Variants in GALNT10 observed in about 807,000 individuals in gnomAD.
GALNT10 encodes polypeptide N-acetylgalactosaminyltransferase 10, also known as GalNAc transferase 10.
GALNT10 carries 41 observed loss-of-function variants against 75.0 expected under a neutral mutation model. The ratio of observed to expected loss-of-function variants is 0.55; its 90% CI spans 0.43 to 0.71. GALNT10 has a LOEUF of 0.71. GALNT10 is among the 30% of genes least tolerant of loss of function. GALNT10 has a pLI of 0.00. For missense variants in GALNT10, 727 were observed against 818.5 expected, an observed-to-expected ratio of 0.89 and a Z score of 1.36; for synonymous variants, 302 against 313.0, an observed-to-expected ratio of 0.96 and a Z score of 0.37.
At chr5:154,222,511 A>G (rs1188639016) in intron 1 of GALNT10, among the ~76,000 whole-genome samples, 1 of 152,114 alleles carries the variant, frequency 6.6e-6, no homozygotes, top group Non-Finnish European at 1.5e-5. Context: ...ATTGTATGGT[A>G]TATATATATC....
intron 1 of GALNT10, among the ~76,000 whole-genome samples, chr5:154,238,288 T>A (rs1220510100): frequency 8.3e-6 from 1 of 119,842 alleles, no homozygotes; most frequent in Admixed American, 9.4e-5. Context: ...CCATAAAGTT[T>A]TAAATGTTAA....
At chr5:154,264,657 A>C (rs552360309) in intron 1 of GALNT10, among the ~76,000 whole-genome samples, 1 of 152,204 alleles carries the variant, frequency 6.6e-6, no homozygotes, top group Non-Finnish European at 1.5e-5. Context: ...AGGCTAACAC[A>C]TAGTATTTTT....
chr5:154,401,977 T>TC (rs1009817175), intron 7 of GALNT10, among the ~76,000 whole-genome samples: 2 of 152,012 alleles, frequency 1.3e-5, no homozygotes, highest in African/African-American at 2.4e-5. Flanking sequence ...TCCAGCTGTG[T>TC]CCCCCCATCG....
intron 1 of GALNT10, among the ~76,000 whole-genome samples, chr5:154,268,942 G>C (rs368364284): frequency 1.3e-5 from 2 of 150,966 alleles, no homozygotes; most frequent in South Asian, 4.2e-4. Flanking sequence ...TTCAAGACCA[G>C]CCTGGGCCAC....
chr5:154,385,821 C>A (rs76179289), intron 6 of GALNT10, among the ~76,000 whole-genome samples: 6,467 of 152,288 alleles, frequency 0.042, 431 homozygotes, highest in African/African-American at 0.15. Flanking sequence ...TAATAGTTGT[C>A]AAAGGAGCAT....
At chr5:154,228,091 A>G (rs2113660520) in intron 1 of GALNT10, among the ~76,000 whole-genome samples, 1 of 152,192 alleles carries the variant, frequency 6.6e-6, no homozygotes, top group Middle Eastern at 3.4e-3. Context: ...TTCACCTTCC[A>G]CCATGATTGT....
intron 1 of GALNT10, among the ~76,000 whole-genome samples, chr5:154,208,195 G>C (rs1442054910): frequency 6.6e-6 from 1 of 152,180 alleles, no homozygotes; most frequent in African/African-American, 2.4e-5. Context: ...CTAAGCACTT[G>C]ACATTCTAAG....
At chr5:154,305,377 A>G (rs1754418981) in intron 3 of GALNT10, among the ~76,000 whole-genome samples, 1 of 152,180 alleles carries the variant, frequency 6.6e-6, no homozygotes, top group Non-Finnish European at 1.5e-5. Context: ...TAATCACATT[A>G]AATGTAAATG....
intron 4 of GALNT10, among the ~76,000 whole-genome samples, chr5:154,370,412 G>A (rs1047217220): frequency 6.6e-6 from 1 of 152,198 alleles, no homozygotes; most frequent in African/African-American, 2.4e-5. Context: ...GCTGACCTAG[G>A]AACCTGCTGT....
chr5:154,344,574 ATTTCAACC>A, intron 4 of GALNT10, among the ~76,000 whole-genome samples: 1 of 152,086 alleles, frequency 6.6e-6, no homozygotes, highest in Non-Finnish European at 1.5e-5. Context: ...TTCTATTCAC[ATTTCAACC>A]TTTATTTTTA....
At position 154,227,098 on chromosome 5, in the gene GALNT10, A is replaced by C. The variant is rs148163283; in HGVS notation, c.159+36073A>C. Among the ~76,000 whole-genome samples the C allele has an allele frequency of 1.7e-3, 257 of 150,440 alleles. 1 individual carries two copies. Among genetic ancestry groups the C allele is most frequent in the African/African-American group, 5.9e-3 (243 of 41,170 alleles). ...GGTTTACTTTTCCATTTACCTGTTG[A>C]TGGACATGTGGGTTGTTTCTAGTTT... is the stretch of plus-strand genomic sequence containing the variant. On this transcript the variant is annotated intron_variant, in intron 1 of 11. Coordinates refer to ENST00000297107, the MANE Select transcript of GALNT10 (RefSeq NM_198321.4).
intron 1 of GALNT10, among the ~76,000 whole-genome samples, chr5:154,237,389 T>G (rs72808610): frequency 0.044 from 6,709 of 151,446 alleles, 164 homozygotes; most frequent in Middle Eastern, 0.13. Flanking sequence ...AGTTGTGGGG[T>G]TTTTTTTTGT....
intron 8 of GALNT10, among the ~76,000 whole-genome samples, chr5:154,405,408 C>G (rs1343684839): frequency 6.6e-6 from 1 of 152,160 alleles, no homozygotes; most frequent in Non-Finnish European, 1.5e-5. Flanking sequence ...AGCCTAACGA[C>G]GCCCTCACCA....
intron 1 of GALNT10, among the ~76,000 whole-genome samples, chr5:154,203,919 A>G (rs1775065366): frequency 6.6e-6 from 1 of 152,124 alleles, no homozygotes; most frequent in South Asian, 2.1e-4. Context: ...TGCCACAACT[A>G]CTCAATCTGT....
rs1561689671 is a variant in GALNT10 at position 154,417,997 on chromosome 5, G to A, written c.*1025G>A. ...TCATCATGGTTCTAGTTCTCATACAGAACTCCAGAATTTTTAAAGAACTCT... is the reference window on the plus strand; with the variant it reads ...TCATCATGGTTCTAGTTCTCATACAAAACTCCAGAATTTTTAAAGAACTCT... On this transcript the variant is annotated 3_prime_UTR_variant, in exon 12 of 12. Transcript: ENST00000297107. The A allele has an allele frequency of 1.3e-5, 2 of 152,212 alleles. No individual in the cohort carries two copies. The highest frequency in any genetic ancestry group is 2.9e-5 in the Non-Finnish European group (2 of 68,044). 9.4% of individuals were successfully genotyped at this position (152,212 alleles called of 1,614,324 possible).
At chr5:154,339,525 G>A (rs1466341818) in intron 4 of GALNT10, among the ~76,000 whole-genome samples, 1 of 150,704 alleles carries the variant, frequency 6.6e-6, no homozygotes, top group Non-Finnish European at 1.5e-5. Context: ...AAAAACCCAG[G>A]ATTTTGTGAA....
intron 1 of GALNT10, among the ~76,000 whole-genome samples, chr5:154,241,425 T>G (rs1454265891): frequency 1.3e-5 from 2 of 152,232 alleles, no homozygotes; most frequent in Non-Finnish European, 2.9e-5. Context: ...CCAGTAATTG[T>G]GACCATCCAG....
chr5:154,214,009 T>C (rs1342279502), intron 1 of GALNT10, among the ~76,000 whole-genome samples: 2 of 152,230 alleles, frequency 1.3e-5, no homozygotes, highest in Non-Finnish European at 2.9e-5. Context: ...GGGTATGTTA[T>C]AGAAACTGTT....
intron 1 of GALNT10, among the ~76,000 whole-genome samples, chr5:154,195,381 T>C (rs1480257426): frequency 1.3e-5 from 2 of 152,200 alleles, no homozygotes; most frequent in Admixed American, 1.3e-4. Context: ...CCAGAGAACC[T>C]TTCTCCTCAT....
Sources: allele counts gnomAD v4.1 joint callset (sites outside exome capture counted in the v4.1 genomes callset), GRCh38; gene constraint gnomAD v4.1.1; transcripts MANE v1.5; gene names NCBI Gene and HGNC (gene_info 2026-07-23, HGNC 2026-07-21).